The following WWOX variants were observed in gnomAD, a reference collection of about 807,000 sequenced individuals.
WWOX encodes the protein WW domain containing oxidoreductase, also known as WW domain-containing oxidoreductase.
WWOX carries 69 observed loss-of-function variants against 46.2 expected under a neutral mutation model. The observed-to-expected ratio is 1.49, with a 90% CI of 1.23 to 1.82. WWOX has a LOEUF of 1.82. WWOX is among the 40% of genes most tolerant of loss of function. The pLI is 0.00. For synonymous variants in WWOX, 359 were observed against 202.6 expected (o/e 1.77, Z -6.56); for missense variants, 919 against 542.6 (o/e 1.69, Z -6.89).
At chr16:78,836,429 C>G (rs2051986389) in intron 8 of WWOX, among the ~76,000 whole-genome samples, 1 of 152,140 alleles carries the variant, frequency 6.6e-6, no homozygotes, top group African/African-American at 2.4e-5. Flanking sequence ...CTTATTCCCG[C>G]AAGGACATAC....
At chr16:78,954,968 T>A (rs906673865) in intron 8 of WWOX, among the ~76,000 whole-genome samples, 1 of 152,140 alleles carries the variant, frequency 6.6e-6, no homozygotes, top group African/African-American at 2.4e-5. Context: ...TTTTAAATTT[T>A]TTGTAGGGAC....
At chr16:78,660,087 A>G (rs1329195502) in intron 8 of WWOX, among the ~76,000 whole-genome samples, 2 of 152,206 alleles carry the variant, frequency 1.3e-5, no homozygotes, top group Non-Finnish European at 2.9e-5. Flanking sequence ...TCTCTGTGCA[A>G]GTGTGTGCTC....
intron 8 of WWOX, among the ~76,000 whole-genome samples, chr16:79,069,585 A>T (rs887788587): frequency 6.6e-6 from 1 of 151,862 alleles, no homozygotes; most frequent in Non-Finnish European, 1.5e-5. Context: ...AAGCTAATAA[A>T]CAGTGCTAGT....
intron 8 of WWOX, among the ~76,000 whole-genome samples, chr16:78,481,770 C>CGCGT (rs1555547267): frequency 6.3e-5 from 7 of 110,344 alleles, no homozygotes; most frequent in African/African-American, 2.2e-4. Flanking sequence ...TGTGTGCGCG[C>CGCGT]GCCTGCATGT....
At chr16:78,575,001 A>T (rs868475819) in intron 8 of WWOX, among the ~76,000 whole-genome samples, 919 of 12,976 alleles carry the variant, frequency 0.071, 40 homozygotes, top group African/African-American at 0.25. Flanking sequence ...TTTTTCAATT[A>T]TATATATATA....
chr16:79,108,762 G>A (rs961208532), intron 8 of WWOX, among the ~76,000 whole-genome samples: 4 of 152,046 alleles, frequency 2.6e-5, no homozygotes, highest in African/African-American at 4.8e-5. Flanking sequence ...TTAGTTAGGT[G>A]TAGTGGCGTG....
At chr16:78,816,207 A>G (rs565637805) in intron 8 of WWOX, among the ~76,000 whole-genome samples, 103 of 152,328 alleles carry the variant, frequency 6.8e-4, no homozygotes, top group Non-Finnish European at 1.2e-3. Flanking sequence ...GAATTGATGT[A>G]AAATTTGGGA....
At chr16:79,209,823 A>G (rs1324038430) in intron 8 of WWOX, among the ~76,000 whole-genome samples, 1 of 152,220 alleles carries the variant, frequency 6.6e-6, no homozygotes, top group African/African-American at 2.4e-5. Context: ...AGTTGTTTAG[A>G]TAAATGTGCC....
At chr16:78,930,372 G>T (rs1335052112) in intron 8 of WWOX, among the ~76,000 whole-genome samples, 1 of 150,304 alleles carries the variant, frequency 6.7e-6, no homozygotes, top group Admixed American at 6.6e-5. Flanking sequence ...CAACCTCCTG[G>T]GCTCAGGCGA....
chr16:78,794,450 A>C (rs1331844773), intron 8 of WWOX, among the ~76,000 whole-genome samples: 1 of 152,248 alleles, frequency 6.6e-6, no homozygotes, highest in East Asian at 1.9e-4. Flanking sequence ...TAAAAGCCCC[A>C]AAAGACTATG....
chr16:78,220,223 T>C (rs1024736854), intron 5 of WWOX, among the ~76,000 whole-genome samples: 4 of 152,210 alleles, frequency 2.6e-5, no homozygotes, highest in African/African-American at 9.6e-5. Context: ...TGGCCTCCCA[T>C]GTGGGTATCA....
intron 8 of WWOX, among the ~76,000 whole-genome samples, chr16:78,861,516 C>G (rs1232699476): frequency 2.6e-5 from 4 of 152,048 alleles, no homozygotes; most frequent in African/African-American, 2.4e-5. Flanking sequence ...GAAAATTTAC[C>G]AAAGTAAATG....
intron 8 of WWOX, among the ~76,000 whole-genome samples, chr16:79,127,562 C>T (rs1006315815): frequency 6.6e-5 from 10 of 152,162 alleles, no homozygotes; most frequent in African/African-American, 2.2e-4. Flanking sequence ...CAAATTGTGC[C>T]GCAACGTGTA....
chr16:78,702,928 G>C (rs2048255497), intron 8 of WWOX, among the ~76,000 whole-genome samples: 1 of 152,130 alleles, frequency 6.6e-6, no homozygotes, highest in African/African-American at 2.4e-5. Flanking sequence ...AGATGCCTTG[G>C]GAGCTCTCCT....
chr16:78,984,003 G>A (rs1037973459), intron 8 of WWOX, among the ~76,000 whole-genome samples: 3 of 148,816 alleles, frequency 2.0e-5, no homozygotes, highest in Admixed American at 1.4e-4. Flanking sequence ...TCAGCCTCCC[G>A]AGTAGCTGGG....
At chr16:78,789,404 T>C in intron 8 of WWOX, among the ~76,000 whole-genome samples, 1 of 152,244 alleles carries the variant, frequency 6.6e-6, no homozygotes, top group East Asian at 1.9e-4. Flanking sequence ...TTAAAAAAGA[T>C]AATTCTTTCT....
intron 5 of WWOX, among the ~76,000 whole-genome samples, chr16:78,376,585 C>G (rs549001793): frequency 6.6e-6 from 1 of 152,176 alleles, no homozygotes; most frequent in African/African-American, 2.4e-5. Flanking sequence ...ACAAACCACA[C>G]GCAGGCATCC....
intron 8 of WWOX, among the ~76,000 whole-genome samples, chr16:79,091,118 G>A (rs757252610): frequency 3.3e-5 from 5 of 152,146 alleles, no homozygotes; most frequent in South Asian, 2.1e-4. Context: ...CTGATTGAGC[G>A]AGGGAGGCTC....
At chr16:78,835,776 C>G (rs1474224310) in intron 8 of WWOX, among the ~76,000 whole-genome samples, 5 of 152,104 alleles carry the variant, frequency 3.3e-5, no homozygotes, top group Admixed American at 2.6e-4. Context: ...AATGTATTGC[C>G]AAAAAATTGC....
Sources: gnomAD v4.1 joint callset for allele counts (sites outside exome capture counted in the v4.1 genomes callset) on GRCh38, gnomAD v4.1.1 for gene constraint, MANE v1.5 for transcripts, NCBI Gene and HGNC (gene_info 2026-07-23, HGNC 2026-07-21) for gene names.